MTSS1: variants seen among roughly 807,000 people sequenced by gnomAD.
MTSS1 encodes protein MTSS 1.
MTSS1 carries 18 observed loss-of-function variants against 79.0 expected under a neutral mutation model. The ratio of observed to expected loss-of-function variants is 0.23; its 90% CI spans 0.16 to 0.34. The LOEUF is 0.34. Among genes scored for constraint, MTSS1 ranks in the 10% least tolerant of loss-of-function variants. The pLI is 1.00. For missense variants in MTSS1, 815 were observed against 986.2 expected, an observed-to-expected ratio of 0.83 and a Z score of 2.33; for synonymous variants, 341 against 368.6, an observed-to-expected ratio of 0.93 and a Z score of 0.86.
At position 124,557,719 on chromosome 8, in the gene MTSS1, G is replaced by A; in HGVS notation, c.1192C>T (p.Pro398Ser). ...ATCTGAGATGACGGGAACATGCCGGGCCCAATGGTGTAATAATGAGCGTAG... is the reference window on the plus strand; with the variant it reads ...ATCTGAGATGACGGGAACATGCCGGACCCAATGGTGTAATAATGAGCGTAG... ...PDYAHYYTIG[P>S]GMFPSSQIPS... Residue 398 changes from proline to serine, a missense_variant, in exon 11 of 14, where the codon CCC becomes TCC. By Grantham distance (74) the Pro-to-Ser change is moderately conservative. Around this residue, in one of 2 missense-constraint regions of MTSS1, gnomAD observed 590 missense variants for 620.8 expected, o/e 0.95. Transcript: ENST00000518547. 6.3e-7 allele frequency: 1 copy of A among 1,595,896 alleles called. No individual in the cohort carries two copies. The highest frequency in any genetic ancestry group is 8.5e-7 in the Non-Finnish European group (1 of 1,171,198).
intron 5 of MTSS1, 94 bp downstream of exon 5, chr8:124,589,526 C>A: frequency 3.1e-6 from 3 of 953,414 alleles, no homozygotes; most frequent in South Asian, 3.2e-5. Context: ...TTTGGTGACA[C>A]CAATAAACCT....
chr8:124,562,020 G>A (rs1321976481), intron 10 of MTSS1, among the ~76,000 whole-genome samples: 1 of 152,202 alleles, frequency 6.6e-6, no homozygotes, highest in East Asian at 1.9e-4. Context: ...AGGTGGGGCT[G>A]TGGGGCACCC....
intron 3 of MTSS1, among the ~76,000 whole-genome samples, chr8:124,667,175 G>T (rs974189654): frequency 6.6e-6 from 1 of 152,194 alleles, no homozygotes; most frequent in Admixed American, 6.5e-5. Context: ...ACCCTCATGG[G>T]GAGGCGCTCT....
chr8:124,727,366 C>T lies in MTSS1; in HGVS notation c.72+518G>A, dbSNP rs367707176. ...AATTAATAACTAATTTGCTCAGATACCCCACTCCAAGTAGACCTGACAGCC... is the reference window on the plus strand; with the variant it reads ...AATTAATAACTAATTTGCTCAGATATCCCACTCCAAGTAGACCTGACAGCC... On this transcript the variant is annotated intron_variant, in intron 1 of 13. Transcript: ENST00000518547. This position sits in a 1 kb window ranked among gnomAD's most constrained non-coding sequence, Gnocchi z 4.7. Among the ~76,000 whole-genome samples, 18 of 152,290 alleles carry T rather than the reference C, an allele frequency of 1.2e-4. No homozygotes were observed. The South Asian group carries it at 2.3e-3, about 19-fold the overall frequency.
intron 1 of MTSS1, among the ~76,000 whole-genome samples, chr8:124,709,803 T>C (rs1282351046): frequency 6.6e-6 from 1 of 152,164 alleles, no homozygotes; most frequent in South Asian, 2.1e-4. Context: ...CTGTGGCTGC[T>C]TCTCTTCAAA....
chr8:124,727,161 G>C lies in MTSS1; in HGVS notation c.72+723C>G, dbSNP rs1436850818. On this transcript the variant is annotated intron_variant, in intron 1 of 13. Transcript: ENST00000518547. The surrounding 1 kb of genome is among the most constrained non-coding windows in gnomAD (Gnocchi z 4.7). Reference sequence around the variant, plus strand: ...CAACCCTTCCAAGAGAAAACCTAGAGTGTGTGTCCGTTTGGGTCTGGGAGG... The same window carrying C: ...CAACCCTTCCAAGAGAAAACCTAGACTGTGTGTCCGTTTGGGTCTGGGAGG... Among the ~76,000 whole-genome samples, 1 of 152,152 alleles carries C rather than the reference G, an allele frequency of 6.6e-6. No homozygotes were observed. Among genetic ancestry groups the C allele is most frequent in the Non-Finnish European group, 1.5e-5 (1 of 68,016 alleles).
At chr8:124,725,342 C>G (rs2135884198) in intron 1 of MTSS1, among the ~76,000 whole-genome samples, 1 of 113,132 alleles carries the variant, frequency 8.8e-6, no homozygotes, top group South Asian at 2.9e-4. Context: ...GGTGCCAGGC[C>G]TTGAAATTAT....
chr8:124,620,281 C>CTCCTGTTCA (rs1197618124), intron 3 of MTSS1, among the ~76,000 whole-genome samples: 1 of 152,174 alleles, frequency 6.6e-6, no homozygotes, highest in Non-Finnish European at 1.5e-5. Context: ...CTTTAACTTT[C>CTCCTGTTCA]TCCTGTTCAT....
chr8:124,613,394 G>A (rs78159216), intron 3 of MTSS1, among the ~76,000 whole-genome samples: 3,303 of 152,276 alleles, frequency 0.022, 168 homozygotes, highest in East Asian at 0.14. Flanking sequence ...CAATTAACAC[G>A]CAAACCTACA....
At chr8:124,656,792 AAAAAAAAG>A (rs1293821471) in intron 3 of MTSS1, among the ~76,000 whole-genome samples, 23 of 151,558 alleles carry the variant, frequency 1.5e-4, no homozygotes, top group African/African-American at 5.1e-4. Context: ...AAAAAAAAAA[AAAAAAAAG>A]AAAAAAGAAA....
intron 3 of MTSS1, among the ~76,000 whole-genome samples, chr8:124,654,415 G>A (rs1245845026): frequency 2.6e-5 from 4 of 152,144 alleles, no homozygotes; most frequent in Non-Finnish European, 5.9e-5. Context: ...ACGGTGAGAG[G>A]ACTTTCTGAA....
At chr8:124,685,793 A>G (rs1826862819) in intron 3 of MTSS1, among the ~76,000 whole-genome samples, 1 of 152,220 alleles carries the variant, frequency 6.6e-6, no homozygotes. Context: ...TATAAAAAAT[A>G]CTTTTAAAAT....
chr8:124,568,687 A>G (rs2288664), intron 6 of MTSS1, 151 bp from the exon 7 acceptor site: 400,842 of 1,468,666 alleles, frequency 0.27, 59,193 homozygotes, highest in African/African-American at 0.52. Context: ...GATTTAAGGC[A>G]GCTGTTTTTC....
chr8:124,617,922 G>T (rs1382250569), intron 3 of MTSS1, among the ~76,000 whole-genome samples: 1 of 152,194 alleles, frequency 6.6e-6, no homozygotes, highest in Admixed American at 6.5e-5. Flanking sequence ...ACTTCCAAGA[G>T]GTGGCCTGGC....
intron 3 of MTSS1, among the ~76,000 whole-genome samples, chr8:124,692,734 T>C (rs1469124469): frequency 6.6e-6 from 1 of 152,132 alleles, no homozygotes; most frequent in African/African-American, 2.4e-5. Context: ...GGAGGAATCC[T>C]GCCAAGACCC....
At chr8:124,650,973 T>C (rs1819854983) in intron 3 of MTSS1, among the ~76,000 whole-genome samples, 1 of 152,200 alleles carries the variant, frequency 6.6e-6, no homozygotes, top group Admixed American at 6.5e-5. Context: ...TAATAAACTA[T>C]CATACAAAGT....
In MTSS1 at chr8:124,655,833, A is replaced by G. The variant is rs78185875; in HGVS notation, c.208+43693T>C. 1.1e-4 allele frequency among the ~76,000 whole-genome samples: 16 copies of G among 152,318 alleles called. No individual in the cohort carries two copies. The East Asian group carries it at 1.9e-3, about 18-fold the overall frequency. On this transcript the variant is annotated intron_variant, in intron 3 of 13. Coordinates refer to ENST00000518547, the MANE Select transcript of MTSS1 (RefSeq NM_014751.6). ...TCAGACAGAGATCAGAGGGAACCACATTCCAAGAGGGAAACTGTAGACAAA... is the reference window on the plus strand; with the variant it reads ...TCAGACAGAGATCAGAGGGAACCACGTTCCAAGAGGGAAACTGTAGACAAA...
At chr8:124,580,539 T>C in intron 6 of MTSS1, 1 of 1,535,936 alleles carries the variant, frequency 6.5e-7, no homozygotes, top group South Asian at 1.2e-5. Flanking sequence ...AGATTTGGGA[T>C]GGTAGACTTA....
chr8:124,626,164 C>A (rs1231132287), intron 3 of MTSS1, among the ~76,000 whole-genome samples: 2 of 152,230 alleles, frequency 1.3e-5, no homozygotes, highest in African/African-American at 2.4e-5. Flanking sequence ...ACAGTGAATA[C>A]AAAGGGCTAT....
Sources: gnomAD v4.1 joint callset for allele counts (sites outside exome capture counted in the v4.1 genomes callset) on GRCh38, gnomAD v4.1.1 for gene constraint, gnomAD v4.1.1 regional missense constraint, Gnocchi (gnomAD v3.1) non-coding constraint, MANE v1.5 for transcripts, NCBI Gene and HGNC (gene_info 2026-07-23, HGNC 2026-07-21) for gene names.